The following SEMA3D variants were observed in gnomAD, a reference collection of about 807,000 sequenced individuals.
SEMA3D encodes the protein semaphorin-3D.
In SEMA3D, 84 loss-of-function variants were observed where a neutral mutation model predicts 100.1. The observed-to-expected ratio is 0.84, with a 90% CI of 0.70 to 1.01. The LOEUF (loss-of-function observed/expected upper bound fraction) is 1.01. Among genes scored for constraint, SEMA3D ranks in the 50% least tolerant of loss-of-function variants. The pLI is 0.00. For synonymous variants in SEMA3D, 312 were observed against 320.7 expected, an observed-to-expected ratio of 0.97 and a Z score of 0.29; for missense variants, 875 against 934.1, an observed-to-expected ratio of 0.94 and a Z score of 0.82.
intron 4 of SEMA3D, among the ~76,000 whole-genome samples, chr7:85,083,025 G>A (rs116718630): frequency 0.03 from 4,503 of 152,258 alleles, 228 homozygotes; most frequent in African/African-American, 0.1. Context: ...TCAGTGAGCT[G>A]CAGCAATGAA....
At chr7:85,175,118 A>G (rs1183464282) in intron 1 of SEMA3D, among the ~76,000 whole-genome samples, 1 of 152,196 alleles carries the variant, frequency 6.6e-6, no homozygotes, top group Non-Finnish European at 1.5e-5. Context: ...ACTGCTAAAT[A>G]GTAGGGGAAA....
At chr7:85,023,677 G>C (rs913430943) in intron 12 of SEMA3D, among the ~76,000 whole-genome samples, 2 of 151,640 alleles carry the variant, frequency 1.3e-5, no homozygotes, top group Non-Finnish European at 2.9e-5. Flanking sequence ...TCATGACAAG[G>C]CTCCAAAAAC....
At chr7:85,247,963 G>C in the SEMA3D span, among the ~76,000 whole-genome samples, 2 of 151,964 alleles carry the variant, frequency 1.3e-5, no homozygotes, top group Non-Finnish European at 2.9e-5. Context: ...AGAAAATTTA[G>C]GTGACATTGA....
At chr7:85,156,543 C>T (rs1414291531) in intron 1 of SEMA3D, among the ~76,000 whole-genome samples, 8 of 152,062 alleles carry the variant, frequency 5.3e-5, no homozygotes, top group East Asian at 1.9e-4. Flanking sequence ...AAAATAATAT[C>T]GCTTTAAGAC....
At chr7:85,187,413 C>T (rs755238249), upstream of SEMA3D, among the ~76,000 whole-genome samples, 71 of 152,284 alleles carry the variant, frequency 4.7e-4, no homozygotes, top group Admixed American at 1.2e-3. Flanking sequence ...GCTAATCCCA[C>T]AAAACAGTAC....
chr7:85,055,286 G>C (rs1791276685), intron 9 of SEMA3D, among the ~76,000 whole-genome samples: 1 of 151,936 alleles, frequency 6.6e-6, no homozygotes, highest in South Asian at 2.1e-4. Context: ...CTTTCATTTA[G>C]ATTATTTAAC....
the SEMA3D span, among the ~76,000 whole-genome samples, chr7:85,207,378 G>GT: frequency 6.6e-6 from 1 of 151,990 alleles, no homozygotes; most frequent in African/African-American, 2.4e-5. Context: ...TAAATACTGT[G>GT]TTTTTAGATA....
chr7:85,211,798 T>C, the SEMA3D span, among the ~76,000 whole-genome samples: 2 of 152,112 alleles, frequency 1.3e-5, no homozygotes, highest in Non-Finnish European at 2.9e-5. Flanking sequence ...ATGATCTACT[T>C]CCAGTAAATG....
chr7:85,133,264 T>A (rs528044423), intron 2 of SEMA3D, among the ~76,000 whole-genome samples: 1 of 152,072 alleles, frequency 6.6e-6, no homozygotes, highest in East Asian at 1.9e-4. Flanking sequence ...GAGCTGTGTT[T>A]AGTCTCATCC....
intron 2 of SEMA3D, chr7:85,142,753 TAGAAAGATTCC>T: frequency 1.0e-6 from 1 of 983,828 alleles, no homozygotes. Context: ...GCTTTTACAC[TAGAAAGATTCC>T]CAGACTAACC....
At chr7:85,027,694 T>C (rs1790429499) in intron 12 of SEMA3D, 1 of 277,694 alleles carries the variant, frequency 3.6e-6, no homozygotes, top group Non-Finnish European at 7.0e-6. Context: ...GTGTTTTTGA[T>C]GTTTTATGCG....
chr7:85,135,687 TA>T (rs956963665), intron 2 of SEMA3D, among the ~76,000 whole-genome samples: 6 of 136,316 alleles, frequency 4.4e-5, no homozygotes, highest in African/African-American at 1.6e-4. Flanking sequence ...AAATAAACAT[TA>T]AAAAAGAAAA....
At chr7:85,107,531 A>G (rs1395435658) in intron 3 of SEMA3D, among the ~76,000 whole-genome samples, 1 of 152,044 alleles carries the variant, frequency 6.6e-6, no homozygotes, top group Non-Finnish European at 1.5e-5. Flanking sequence ...GATGACTTCA[A>G]AATACACACC....
At chr7:85,028,873 T>C (rs1584534965) in intron 12 of SEMA3D, 1 of 241,670 alleles carries the variant, frequency 4.1e-6, no homozygotes, top group East Asian at 1.1e-4. Context: ...ATTTAGTAGC[T>C]TCTCCAAGGC....
chr7:85,217,832 C>A, the SEMA3D span, among the ~76,000 whole-genome samples: 1 of 152,048 alleles, frequency 6.6e-6, no homozygotes, highest in South Asian at 2.1e-4. Context: ...ATGCCTGTCA[C>A]AAAGCTGTCA....
chr7:85,128,121 A>C (rs975149454), intron 2 of SEMA3D, among the ~76,000 whole-genome samples: 6 of 151,604 alleles, frequency 4.0e-5, no homozygotes, highest in Non-Finnish European at 8.8e-5. Flanking sequence ...GGAATAATGA[A>C]CTAAGAATTA....
At chr7:85,138,271 A>T (rs1026344833) in intron 2 of SEMA3D, among the ~76,000 whole-genome samples, 1 of 151,808 alleles carries the variant, frequency 6.6e-6, no homozygotes, top group African/African-American at 2.4e-5. Flanking sequence ...GCAATAACTG[A>T]TATTCTTTTT....
intron 18 of SEMA3D, among the ~76,000 whole-genome samples, chr7:85,004,548 TC>T (rs1789741760): frequency 1.3e-5 from 2 of 151,994 alleles, no homozygotes; most frequent in South Asian, 4.1e-4. Context: ...ACTCATGACC[TC>T]CCGTACAGCA....
At chr7:85,116,821 T>C (rs898201110) in intron 3 of SEMA3D, among the ~76,000 whole-genome samples, 1 of 152,144 alleles carries the variant, frequency 6.6e-6, no homozygotes, top group Non-Finnish European at 1.5e-5. Flanking sequence ...TTCATTTTTT[T>C]CCATGTTGAT....
Sources: gnomAD v4.1 joint callset for allele counts (sites outside exome capture counted in the v4.1 genomes callset) on GRCh38, gnomAD v4.1.1 for gene constraint, MANE v1.5 for transcripts, NCBI Gene and HGNC (gene_info 2026-07-23, HGNC 2026-07-21) for gene names.